The following NAP1L4 variants were observed in gnomAD, a reference collection of about 807,000 sequenced individuals.
The protein encoded by NAP1L4 is nucleosome assembly protein 1-like 4.
Under a neutral mutation model 58.2 loss-of-function variants are expected in NAP1L4, and 15 were observed. The ratio of observed to expected loss-of-function variants is 0.26; its 90% confidence interval spans 0.17 to 0.40. The LOEUF is 0.40. NAP1L4 is among the 10% of genes least tolerant of loss of function. NAP1L4 has a pLI of 1.00. For synonymous variants in NAP1L4, 171 were observed against 155.6 expected, an observed-to-expected ratio of 1.10 and a Z score of -0.74; for missense variants, 384 against 451.1, an observed-to-expected ratio of 0.85 and a Z score of 1.35.
At chr11:2,977,473 A>T (rs1055207205) in intron 3 of NAP1L4, among the ~76,000 whole-genome samples, 2 of 152,204 alleles carry the variant, frequency 1.3e-5, no homozygotes, top group Non-Finnish European at 2.9e-5. Context: ...ATTCTATAAG[A>T]CAACAGTGGC....
Position 2,948,605 on chromosome 11 carries a change from T to G in NAP1L4, c.*32+622A>C, listed in dbSNP as rs1846061150. 6.6e-6 allele frequency among the ~76,000 whole-genome samples: 1 copy of G among 152,192 alleles called. No individual in the cohort carries two copies. Among genetic ancestry groups the G allele is most frequent in the Admixed American group, 6.5e-5 (1 of 15,278 alleles). On this transcript the variant is annotated intron_variant, in intron 15 of 15. Coordinates refer to ENST00000380542, the MANE Select transcript of NAP1L4 (RefSeq NM_005969.4). The surrounding 1 kb of genome is among the most constrained non-coding windows in gnomAD (Gnocchi z 5.1). The stretch of plus-strand genomic sequence containing the variant: ...GCTTCCAGGCTTACTGACACTCACT[T>G]TCATCTACAACTGGTTCTTGCTTCA...
chr11:2,988,730 GA>G (rs754969787), intron 1 of NAP1L4, among the ~76,000 whole-genome samples: 1 of 152,306 alleles, frequency 6.6e-6, no homozygotes, highest in Non-Finnish European at 1.5e-5. Context: ...CCAAGGACAT[GA>G]AATGAACATA....
rs1390693595 is a variant in NAP1L4 at position 2,972,185 on chromosome 11, C to A, written c.232G>T (p.Ala78Ser). The change falls in exon 5 of 16, where the codon GCT becomes TCT. Residue 78 changes from alanine to serine, a missense_variant. Transcript: ENST00000380542. The stretch of plus-strand genomic sequence containing the variant: ...TCATAGAACTTGGCTTCTATGTGAG[C>A]ACATCTCACCTGAAGTTGTTTCAAT... Reference protein sequence around the residue: ...NALKQLQVRCAHIEAKFYEEV... With the variant: ...NALKQLQVRCSHIEAKFYEEV... 1 of 1,609,144 alleles carries A rather than the reference C, an allele frequency of 6.2e-7. No homozygotes were observed. The highest frequency in any genetic ancestry group is 8.5e-7 in the Non-Finnish European group (1 of 1,178,472).
chr11:2,985,770 TTTCTAAAG>T (rs1317500501), intron 1 of NAP1L4, among the ~76,000 whole-genome samples: 1 of 152,232 alleles, frequency 6.6e-6, no homozygotes, highest in African/African-American at 2.4e-5. Context: ...TGTTGTAAGT[TTTCTAAAG>T]TTCAGGTTCC....
intron 8 of NAP1L4, among the ~76,000 whole-genome samples, chr11:2,961,262 A>G (rs1440462289): frequency 6.6e-6 from 1 of 152,178 alleles, no homozygotes; most frequent in East Asian, 1.9e-4. Context: ...ATGAGGGCTT[A>G]GGAAGTCAGG....
At position 2,955,881 on chromosome 11, in the gene NAP1L4, G is replaced by C. The variant is rs959541665; in HGVS notation, c.893-115C>G. 19 of 936,806 alleles carry C rather than the reference G, an allele frequency of 2.0e-5. No homozygotes were observed. The highest frequency in any genetic ancestry group is 3.1e-5 in the Non-Finnish European group (19 of 613,058). 58.0% of individuals were successfully genotyped at this position (936,806 alleles called of 1,614,324 possible). On this transcript the variant is annotated intron_variant, in intron 10 of 15. Coordinates refer to ENST00000380542, the MANE Select transcript of NAP1L4 (RefSeq NM_005969.4). This position sits in a 1 kb window ranked among gnomAD's most constrained non-coding sequence, Gnocchi z 4.2. ...TAAAATGTAACATTTCTCACCTCGA[G>C]GTTTAACAGAAATCCCCAAAGCCTT...
intron 1 of NAP1L4, among the ~76,000 whole-genome samples, chr11:2,982,716 C>T (rs115154602): frequency 0.015 from 2,306 of 152,298 alleles, 51 homozygotes; most frequent in African/African-American, 0.052. Context: ...TTTCTACTTG[C>T]TCATTAAAGA....
chr11:2,968,220 G>A (rs1325333007), intron 7 of NAP1L4, among the ~76,000 whole-genome samples: 4 of 152,158 alleles, frequency 2.6e-5, no homozygotes, highest in African/African-American at 9.7e-5. Flanking sequence ...AACTCTCAGG[G>A]TGCACATTAG....
At chr11:2,952,653 G>A (rs552492482) in intron 12 of NAP1L4, 40 of 152,396 alleles carry the variant, frequency 2.6e-4, no homozygotes, top group African/African-American at 8.2e-4. Flanking sequence ...TGGCCACGGT[G>A]CAGCGCCCTT....
rs891038640 is a variant in NAP1L4 at position 2,946,109 on chromosome 11, G to A, written c.*33-463C>T. On this transcript the variant is annotated intron_variant, in intron 15 of 15. Transcript: ENST00000380542. This position sits in a 1 kb window ranked among gnomAD's most constrained non-coding sequence, Gnocchi z 4.8. Reference sequence around the variant, plus strand: ...TCTGGGGGTAGGCTGGGCCCTTGGCGCTCATGGAAAGCACATCTCTCCTCT... The same window carrying A: ...TCTGGGGGTAGGCTGGGCCCTTGGCACTCATGGAAAGCACATCTCTCCTCT... 4.6e-5 allele frequency among the ~76,000 whole-genome samples: 7 copies of A among 152,136 alleles called. No homozygotes were observed. The highest frequency in any genetic ancestry group is 9.7e-5 in the African/African-American group (4 of 41,424).
intron 1 of NAP1L4, among the ~76,000 whole-genome samples, chr11:2,983,282 G>T (rs1037880962): frequency 2.0e-5 from 3 of 152,284 alleles, no homozygotes; most frequent in Admixed American, 2.0e-4. Context: ...CCTTCCCATG[G>T]AATGGTACCT....
chr11:2,978,194 C>A, intron 3 of NAP1L4, 90 bp downstream of exon 3: 1 of 1,249,328 alleles, frequency 8.0e-7, no homozygotes, highest in South Asian at 1.3e-5. Flanking sequence ...CACTGCAGTA[C>A]AGGAATCCTT....
At chr11:2,958,226 G>A (rs1179368259) in intron 10 of NAP1L4, 173 bp downstream of exon 10, 9 of 719,612 alleles carry the variant, frequency 1.3e-5, no homozygotes, top group East Asian at 8.1e-5. Flanking sequence ...TCTGCCCCCC[G>A]CGATAAACTT....
rs747906633 is a variant in NAP1L4, at chr11:2,971,574, C to T, written c.316-40G>A. The T allele has an allele frequency of 5.2e-6, 8 of 1,534,476 alleles. No homozygotes were observed. In the East Asian group the frequency reaches 1.4e-4, roughly 26 times the overall value. On this transcript the variant is annotated intron_variant, in intron 5 of 15. Coordinates refer to ENST00000380542, the MANE Select transcript of NAP1L4 (RefSeq NM_005969.4). This position sits in a 1 kb window ranked among gnomAD's most constrained non-coding sequence, Gnocchi z 4.2. ...GACCTTATTAGAATTATGTTATTAGCTTACTTAGGAACTCAAGAGTTAAAT... is the reference window on the plus strand; with the variant it reads ...GACCTTATTAGAATTATGTTATTAGTTTACTTAGGAACTCAAGAGTTAAAT...
intron 1 of NAP1L4, among the ~76,000 whole-genome samples, chr11:2,987,854 G>T (rs760062429): frequency 1.5e-4 from 23 of 149,732 alleles, no homozygotes; most frequent in Non-Finnish European, 2.7e-4. Flanking sequence ...GCTCAATACA[G>T]AAGTCCCAAG....
Position 2,949,144 on chromosome 11 carries a change from CTT to C in NAP1L4, c.*32+81_*32+82del. ...GAGTGTACCTGGACAGCAACTCCCT[CTT>C]TATTCAAAGTCAAAACAATGCATTG... On this transcript the variant is annotated intron_variant, in intron 15 of 15. Coordinates refer to ENST00000380542, the MANE Select transcript of NAP1L4 (RefSeq NM_005969.4). This position sits in a 1 kb window ranked among gnomAD's most constrained non-coding sequence, Gnocchi z 4.0. 8.9e-7 allele frequency: 1 copy of C among 1,127,674 alleles called. No individual in the cohort carries two copies. The highest frequency in any genetic ancestry group is 1.3e-6 in the Non-Finnish European group (1 of 763,066). The allele number at this position is 1,127,674 out of a possible 1,614,324, so 69.9% of individuals were successfully genotyped here. A position where few individuals can be genotyped will look rare whatever the true frequency, so the allele number is the denominator to read the frequency against.
In NAP1L4 at chr11:2,974,524, CA is replaced by C. The variant is rs935474298; in HGVS notation, c.173+1499del. ...CACCCCATCCCATCAATCTAGTCTG[CA>C]AAAAAAATAACATCAAAACACCTTG... On this transcript the variant is annotated intron_variant, in intron 4 of 15. Coordinates refer to ENST00000380542, the MANE Select transcript of NAP1L4 (RefSeq NM_005969.4). 2.0e-5 allele frequency among the ~76,000 whole-genome samples: 3 copies of C among 151,758 alleles called. No homozygotes were observed. In the South Asian group the frequency reaches 6.2e-4, roughly 32 times the overall value.
At chr11:2,964,656 C>A (rs753524029) in intron 8 of NAP1L4, 24 bp downstream of exon 8, 4 of 1,600,894 alleles carry the variant, frequency 2.5e-6, no homozygotes, top group Middle Eastern at 3.3e-4. Flanking sequence ...CTGATGCCAA[C>A]CAGAAGGTCA....
chr11:2,972,522 A>G (rs987056590), intron 4 of NAP1L4, among the ~76,000 whole-genome samples: 3 of 152,140 alleles, frequency 2.0e-5, no homozygotes, highest in African/African-American at 7.2e-5. Flanking sequence ...ATTTAAGAAC[A>G]CTCAGCTTTT....
Sources: gnomAD v4.1 joint callset for allele counts (sites outside exome capture counted in the v4.1 genomes callset) on GRCh38, gnomAD v4.1.1 for gene constraint, Gnocchi (gnomAD v3.1) non-coding constraint, MANE v1.5 for transcripts, NCBI Gene and HGNC (gene_info 2026-07-23, HGNC 2026-07-21) for gene names.